The following CCSER1 variants were observed in gnomAD, a reference collection of about 807,000 sequenced individuals.
CCSER1 encodes serine-rich coiled-coil domain-containing protein 1.
CCSER1 carries 41 observed loss-of-function variants against 82.0 expected under a neutral mutation model. That is an observed-to-expected ratio of 0.50 (90% CI 0.39 to 0.65). The LOEUF is 0.65. Among genes scored for constraint, CCSER1 ranks in the 30% least tolerant of loss-of-function variants. The pLI is 0.00. For synonymous variants in CCSER1, 414 were observed against 383.9 expected (o/e 1.08, Z -0.92); for missense variants, 1,119 against 1,064.2 (o/e 1.05, Z -0.72).
chr4:90,266,974 G>A (rs1419378512), intron 1 of CCSER1, among the ~76,000 whole-genome samples: 1 of 151,724 alleles, frequency 6.6e-6, no homozygotes, highest in Non-Finnish European at 1.5e-5. Context: ...AGAATAAAGG[G>A]GACTTTGTTT....
chr4:90,600,537 ACTCT>A (rs1397328425), intron 5 of CCSER1, among the ~76,000 whole-genome samples: 6 of 151,892 alleles, frequency 4.0e-5, no homozygotes, highest in Admixed American at 3.3e-4. Flanking sequence ...AGATTTTAGA[ACTCT>A]CTCTATATTT....
intron 5 of CCSER1, among the ~76,000 whole-genome samples, chr4:90,623,619 A>C (rs529867313): frequency 1.1e-3 from 160 of 152,266 alleles, no homozygotes; most frequent in African/African-American, 3.7e-3. Flanking sequence ...TCTAAATGTA[A>C]ATTTTATCTA....
intron 5 of CCSER1, among the ~76,000 whole-genome samples, chr4:90,559,532 G>T (rs1320624774): frequency 6.6e-6 from 1 of 152,002 alleles, no homozygotes; most frequent in Non-Finnish European, 1.5e-5. Context: ...TCTGAAAAGG[G>T]CTGAGAGGCA....
At chr4:91,033,260 C>T (rs754309755) in intron 9 of CCSER1, among the ~76,000 whole-genome samples, 10 of 152,092 alleles carry the variant, frequency 6.6e-5, no homozygotes, top group South Asian at 4.1e-4. Context: ...TGACACCCAG[C>T]GGGCACAGTG....
chr4:90,264,787 G>T (rs1328362279), intron 1 of CCSER1, among the ~76,000 whole-genome samples: 1 of 151,802 alleles, frequency 6.6e-6, no homozygotes, highest in Non-Finnish European at 1.5e-5. Context: ...TAATATTCCT[G>T]TCTGGATTAT....
chr4:90,146,540 A>G lies in CCSER1; in HGVS notation c.-42+18709A>G, dbSNP rs79445026. On this transcript the variant is annotated intron_variant, in intron 1 of 10. Transcript: ENST00000509176. ...TACTCGGTTCAAAGAGCAGATCACAATAAAGATACACATTAAATAATAAAA... is the reference window on the plus strand; with the variant it reads ...TACTCGGTTCAAAGAGCAGATCACAGTAAAGATACACATTAAATAATAAAA... Among the ~76,000 whole-genome samples, 3 of 152,186 alleles carry G rather than the reference A, an allele frequency of 2.0e-5. No homozygotes were observed. The East Asian group carries it at 5.8e-4, about 29-fold the overall frequency.
At chr4:91,192,262 T>C (rs1416642459) in intron 10 of CCSER1, among the ~76,000 whole-genome samples, 2 of 152,194 alleles carry the variant, frequency 1.3e-5, no homozygotes, top group South Asian at 2.1e-4. Flanking sequence ...TTTGGCTATT[T>C]TCTCACCATA....
chr4:90,900,256 A>G (rs1724434432), intron 8 of CCSER1, among the ~76,000 whole-genome samples: 1 of 151,766 alleles, frequency 6.6e-6, no homozygotes, highest in Non-Finnish European at 1.5e-5. Flanking sequence ...GTCTGCGTAG[A>G]GATGTTCTTA....
At chr4:90,199,883 A>G (rs539837648) in intron 1 of CCSER1, among the ~76,000 whole-genome samples, 3 of 152,288 alleles carry the variant, frequency 2.0e-5, no homozygotes, top group Non-Finnish European at 4.4e-5. Flanking sequence ...TCTCACAGAA[A>G]AGCAATCCTA....
chr4:90,741,724 G>GT (rs1223052513), intron 7 of CCSER1, among the ~76,000 whole-genome samples: 5 of 152,146 alleles, frequency 3.3e-5, no homozygotes, highest in African/African-American at 1.2e-4. Context: ...GTGTGAACAC[G>GT]TTTTTTAAAA....
chr4:90,657,014 C>G (rs1212213319), intron 6 of CCSER1, among the ~76,000 whole-genome samples: 4 of 151,958 alleles, frequency 2.6e-5, no homozygotes, highest in African/African-American at 9.7e-5. Context: ...TAAGATTTAC[C>G]TAAATATATG....
intron 1 of CCSER1, among the ~76,000 whole-genome samples, chr4:90,237,476 A>C (rs987533702): frequency 6.6e-5 from 10 of 152,180 alleles, no homozygotes; most frequent in African/African-American, 2.4e-4. Context: ...ACTTGAGCAG[A>C]GTGTTTCTCA....
Position 91,419,622 on chromosome 4 carries a change from A to T in CCSER1, c.2218-178950A>T, listed in dbSNP as rs147931345. Among the ~76,000 whole-genome samples, 70 of 152,198 alleles carry T rather than the reference A, an allele frequency of 4.6e-4. 2 individuals are homozygous for T. The East Asian group carries it at 0.014, about 29-fold the overall frequency. On this transcript the variant is annotated intron_variant, in intron 10 of 10. Transcript: ENST00000509176. ...AAGAATTAATCTTGTTAAAATGTCC[A>T]TACTATCCAAAGTAATCTATAAATT...
chr4:91,531,213 G>A (rs1761013800), intron 10 of CCSER1, among the ~76,000 whole-genome samples: 1 of 152,126 alleles, frequency 6.6e-6, no homozygotes, highest in South Asian at 2.1e-4. Context: ...GACTGAGCAT[G>A]TATTTCATTA....
At chr4:91,488,435 G>C (rs772689073) in intron 10 of CCSER1, among the ~76,000 whole-genome samples, 19 of 152,262 alleles carry the variant, frequency 1.2e-4, no homozygotes, top group African/African-American at 4.6e-4. Context: ...AAGCCTTAGA[G>C]ATTGATATGG....
At chr4:90,786,612 G>A (rs1044823044) in intron 7 of CCSER1, among the ~76,000 whole-genome samples, 1 of 152,002 alleles carries the variant, frequency 6.6e-6, no homozygotes, top group African/African-American at 2.4e-5. Flanking sequence ...TACAAACAAA[G>A]TGTATTTTCC....
intron 7 of CCSER1, among the ~76,000 whole-genome samples, chr4:90,745,086 G>A (rs1051400939): frequency 3.3e-5 from 5 of 152,004 alleles, no homozygotes; most frequent in Admixed American, 6.6e-5. Context: ...AACAACTCTG[G>A]AAGTCAGAAG....
At chr4:90,381,264 C>T (rs899557003) in intron 3 of CCSER1, among the ~76,000 whole-genome samples, 38 of 152,156 alleles carry the variant, frequency 2.5e-4, no homozygotes, top group African/African-American at 9.2e-4. Flanking sequence ...TTTTAACATC[C>T]TGAATTACTT....
At chr4:91,344,099 A>G (rs1747895131) in intron 10 of CCSER1, among the ~76,000 whole-genome samples, 1 of 152,182 alleles carries the variant, frequency 6.6e-6, no homozygotes, top group African/African-American at 2.4e-5. Context: ...GATAGTATTA[A>G]GAAGTGGGGC....
Sources: allele counts gnomAD v4.1 joint callset (sites outside exome capture counted in the v4.1 genomes callset), GRCh38; gene constraint gnomAD v4.1.1; transcripts MANE v1.5; gene names NCBI Gene and HGNC (gene_info 2026-07-23, HGNC 2026-07-21).